ATP2C2: variants seen among roughly 807,000 people sequenced by gnomAD.
ATP2C2 encodes the protein calcium-transporting ATPase type 2C member 2.
Under a neutral mutation model 110.8 loss-of-function variants are expected in ATP2C2, and 171 were observed. The ratio of observed to expected loss-of-function variants is 1.54; its 90% CI spans 1.36 to 1.75. The LOEUF (loss-of-function observed/expected upper bound fraction) is 1.75, where lower values mean the gene tolerates loss of function less well. Among genes scored for constraint, ATP2C2 ranks in the 40% most tolerant of loss-of-function variants. The probability of loss-of-function intolerance (pLI) is 0.00; values close to 1 mark genes in which losing one functional copy is unlikely to be tolerated. For missense variants in ATP2C2, 1,963 were observed against 1,235.0 expected (o/e 1.59, Z -8.84); for synonymous variants, 804 against 508.4 (o/e 1.58, Z -7.82).
rs377164121 is a variant in ATP2C2 at position 84,459,319 on chromosome 16, C to T, written c.2266C>T (p.Pro756Ser). The change falls in exon 23 of 27, where the codon CCC becomes TCC. Residue 756 changes from proline (P) to serine (S), a missense_variant. Coordinates refer to ENST00000262429, the MANE Select transcript of ATP2C2 (RefSeq NM_014861.4). ...LITLSTVFNL[P>S]SPLNAMQILW... ...CACTCTGTCCACCGTGTTCAACCTG[C>T]CCAGCCCCCTCAACGCCATGCAGAT... 1.2e-6 allele frequency: 2 copies of T among 1,614,194 alleles called. No homozygotes were observed. Among genetic ancestry groups the T allele is most frequent in the South Asian group, 1.1e-5 (1 of 91,084 alleles).
rs759399790 is a variant in ATP2C2 at position 84,459,401 on chromosome 16, G to T, written c.2333+15G>T. ...CCGGCGCAGAGGTGAGGCAGGGCCG[G>T]CTGGGAGCCCTGTGTCTCTTTACCC... On this transcript the variant is annotated intron_variant, in intron 23 of 26. Transcript: ENST00000262429. The T allele has an allele frequency of 6.2e-7, 1 of 1,611,944 alleles. No individual in the cohort carries two copies. The highest frequency in any genetic ancestry group is 1.7e-5 in the Admixed American group (1 of 60,004).
chr16:84,447,216 G>T (rs984096988), intron 16 of ATP2C2, among the ~76,000 whole-genome samples: 3 of 152,190 alleles, frequency 2.0e-5, no homozygotes, highest in Non-Finnish European at 4.4e-5. Context: ...ACTCAGGGCT[G>T]TGGGCAGCTC....
intron 11 of ATP2C2, among the ~76,000 whole-genome samples, chr16:84,429,767 G>A (rs1207898382): frequency 5.9e-5 from 9 of 152,144 alleles, no homozygotes. Flanking sequence ...AGGAGACTGG[G>A]TGTGCATATT....
intron 1 of ATP2C2, among the ~76,000 whole-genome samples, chr16:84,389,057 T>C (rs1199274769): frequency 6.6e-6 from 1 of 152,158 alleles, no homozygotes; most frequent in Admixed American, 6.5e-5. Context: ...GCGCCCGGCC[T>C]ATATTGTGAA....
intron 1 of ATP2C2, among the ~76,000 whole-genome samples, chr16:84,385,718 G>C (rs1904310083): frequency 6.6e-6 from 1 of 152,194 alleles, no homozygotes; most frequent in African/African-American, 2.4e-5. Context: ...AGAGCGGCAG[G>C]AGAGAGAATG....
chr16:84,408,775 G>A (rs1023655152), intron 4 of ATP2C2, among the ~76,000 whole-genome samples: 1 of 152,030 alleles, frequency 6.6e-6, no homozygotes, highest in Non-Finnish European at 1.5e-5. Flanking sequence ...GGGATGAGGG[G>A]AATAGAGCCT....
chr16:84,375,281 C>T (rs1910185370), intron 1 of ATP2C2, among the ~76,000 whole-genome samples: 1 of 152,160 alleles, frequency 6.6e-6, no homozygotes, highest in Non-Finnish European at 1.5e-5. Context: ...GTGGGTCACG[C>T]CTGTAATCCC....
In ATP2C2 at chr16:84,412,078, C is replaced by T. The variant is rs118091731; in HGVS notation, c.515+1313C>T. ...AGGCTAGAGTGCAGTGGCAGGATCT[C>T]GGCTCACTGCAACCTGTGCCTGCCT... is the stretch of plus-strand genomic sequence containing the variant. On this transcript the variant is annotated intron_variant, in intron 6 of 26. Transcript: ENST00000262429. Among the ~76,000 whole-genome samples, 754 of 151,890 alleles carry T rather than the reference C, an allele frequency of 5.0e-3. 5 individuals carry two copies. Among genetic ancestry groups the T allele is most frequent in the Non-Finnish European group, 7.5e-3 (511 of 67,972 alleles).
intron 2 of ATP2C2, among the ~76,000 whole-genome samples, chr16:84,402,535 T>C (rs1294853822): frequency 5.9e-5 from 9 of 152,190 alleles, no homozygotes; most frequent in African/African-American, 2.2e-4. Flanking sequence ...TCTGTCACGT[T>C]TTTTCAGCAT....
rs1911009001 is a variant in ATP2C2, at chr16:84,459,268, A to C, written c.2217-2A>C. 1.2e-6 allele frequency: 2 copies of C among 1,614,092 alleles called. No homozygotes were observed. Among genetic ancestry groups the C allele is most frequent in the African/African-American group, 2.7e-5 (2 of 74,946 alleles). On this transcript the variant is annotated splice_acceptor_variant, in intron 22 of 26. Transcript: ENST00000262429. LOFTEE classifies it high-confidence loss of function. ...CGCTGACTGGCTGCGTGTGCCCCGCAGGAGCATCTCCGCCCTGAGTCTCAT... is the reference window on the plus strand; with the variant it reads ...CGCTGACTGGCTGCGTGTGCCCCGCCGGAGCATCTCCGCCCTGAGTCTCAT...
chr16:84,395,634 A>C (rs13336938), intron 1 of ATP2C2, among the ~76,000 whole-genome samples: 41,524 of 151,382 alleles, frequency 0.27, 6,239 homozygotes, highest in African/African-American at 0.39. Flanking sequence ...CTCAGCCTCC[A>C]GAGTCGCTGA....
At position 84,424,775 on chromosome 16, in the gene ATP2C2, A is replaced by G. The variant is rs942203882; in HGVS notation, c.920-960A>G. Among the ~76,000 whole-genome samples the G allele has an allele frequency of 1.6e-4, 25 of 152,202 alleles. 3 individuals carry two copies. The highest frequency in any genetic ancestry group is 1.0e-3 in the Admixed American group (16 of 15,290). ...AATACTCTCAGTGTGGCCGTTTTCA[A>G]GCTACTAATGTATAGACACAGAACA... On this transcript the variant is annotated intron_variant, in intron 10 of 26. Coordinates refer to ENST00000262429, the MANE Select transcript of ATP2C2 (RefSeq NM_014861.4).
intron 1 of ATP2C2, among the ~76,000 whole-genome samples, chr16:84,377,388 T>A (rs1405308145): frequency 6.6e-6 from 1 of 152,114 alleles, no homozygotes; most frequent in Non-Finnish European, 1.5e-5. Context: ...CCCAAAGGTG[T>A]CCAGCCAGCT....
rs756327637 is a variant in ATP2C2, at chr16:84,461,981, C to T, written c.2581-7C>T. 10 of 1,612,606 alleles carry T rather than the reference C, an allele frequency of 6.2e-6. No individual in the cohort carries two copies. The highest frequency in any genetic ancestry group is 4.0e-5 in the African/African-American group (3 of 74,908). On this transcript the variant is annotated splice_polypyrimidine_tract_variant and splice_region_variant and intron_variant, in intron 25 of 26. Coordinates refer to ENST00000262429, the MANE Select transcript of ATP2C2 (RefSeq NM_014861.4). ...ACACAATCCCCCGTGTGACCTTCTC[C>T]CTGCAGACCAAGCTGATATTTGAGA...
intron 2 of ATP2C2, among the ~76,000 whole-genome samples, chr16:84,399,282 G>A (rs1179935059): frequency 6.6e-6 from 1 of 151,686 alleles, no homozygotes; most frequent in African/African-American, 2.4e-5. Flanking sequence ...AATAACTCAA[G>A]TCTGTTTCAA....
At chr16:84,403,699 T>A (rs1712179181) in intron 2 of ATP2C2, among the ~76,000 whole-genome samples, 1 of 152,056 alleles carries the variant, frequency 6.6e-6, no homozygotes, top group Non-Finnish European at 1.5e-5. Flanking sequence ...AATTCTTTTT[T>A]TTTTTCTTGA....
chr16:84,394,809 T>A (rs919320294), intron 1 of ATP2C2, among the ~76,000 whole-genome samples: 1 of 152,160 alleles, frequency 6.6e-6, no homozygotes, highest in Non-Finnish European at 1.5e-5. Context: ...TGTTTATCTC[T>A]GCAAAATTCT....
intron 11 of ATP2C2, among the ~76,000 whole-genome samples, chr16:84,438,705 G>C (rs1333244871): frequency 6.6e-6 from 1 of 152,094 alleles, no homozygotes; most frequent in Non-Finnish European, 1.5e-5. Context: ...TTCCTTGTCT[G>C]GCTTCCTCAT....
At chr16:84,391,605 C>A (rs1460897629) in intron 1 of ATP2C2, among the ~76,000 whole-genome samples, 1 of 152,144 alleles carries the variant, frequency 6.6e-6, no homozygotes, top group African/African-American at 2.4e-5. Flanking sequence ...TGCTGTGATA[C>A]GTACACATGC....
Sources: gnomAD v4.1 joint callset for allele counts (sites outside exome capture counted in the v4.1 genomes callset) on GRCh38, gnomAD v4.1.1 for gene constraint, MANE v1.5 for transcripts, NCBI Gene and HGNC (gene_info 2026-07-23, HGNC 2026-07-21) for gene names.